The following MAP3K5 variants were observed in gnomAD, a reference collection of about 807,000 sequenced individuals.
MAP3K5 encodes the protein ASK-1.
In MAP3K5, 56 loss-of-function variants were observed where a neutral mutation model predicts 158.7. That is an observed-to-expected ratio of 0.35 (90% CI 0.28 to 0.44). The LOEUF (loss-of-function observed/expected upper bound fraction) is 0.44, where lower values mean the gene tolerates loss of function less well. MAP3K5 is among the 20% of genes least tolerant of loss of function. The probability of loss-of-function intolerance (pLI) is 1.00; values close to 1 mark genes in which losing one functional copy is unlikely to be tolerated. For synonymous variants in MAP3K5, 579 were observed against 601.7 expected (o/e 0.96, Z 0.55); for missense variants, 1,294 against 1,674.8 (o/e 0.77, Z 3.97).
rs74769946 is a variant in MAP3K5 at position 136,597,805 on chromosome 6, T to A, written c.2878+3217A>T. Among the ~76,000 whole-genome samples the A allele has an allele frequency of 0.013, 2,026 of 152,318 alleles. 109 individuals carry two copies. The East Asian group carries it at 0.14, about 11-fold the overall frequency. On this transcript the variant is annotated intron_variant, in intron 21 of 29. Transcript: ENST00000359015. ...TAAATAAACCATCCTCACACAGCCATCGGAATGATCCATCAATAGCTTCAC... is the reference window on the plus strand; with the variant it reads ...TAAATAAACCATCCTCACACAGCCAACGGAATGATCCATCAATAGCTTCAC...
At chr6:136,763,758 T>C (rs527644282) in intron 1 of MAP3K5, among the ~76,000 whole-genome samples, 1 of 152,256 alleles carries the variant, frequency 6.6e-6, no homozygotes, top group Non-Finnish European at 1.5e-5. Context: ...ATCTCCAATA[T>C]GGGCGTATTG....
chr6:136,752,136 C>G (rs531087106), intron 1 of MAP3K5, among the ~76,000 whole-genome samples: 1 of 152,306 alleles, frequency 6.6e-6, no homozygotes, highest in East Asian at 1.9e-4. Flanking sequence ...CATTCATGCA[C>G]TCCACAATGA....
intron 2 of MAP3K5, among the ~76,000 whole-genome samples, chr6:136,711,938 T>C (rs2114739548): frequency 6.6e-6 from 1 of 152,234 alleles, no homozygotes; most frequent in Non-Finnish European, 1.5e-5. Context: ...AACACATCCT[T>C]CTCTTGCATA....
chr6:136,582,741 G>A (rs1774946277), intron 24 of MAP3K5, among the ~76,000 whole-genome samples: 1 of 152,144 alleles, frequency 6.6e-6, no homozygotes. Context: ...AATTAATTTT[G>A]GAATTTAAAT....
At chr6:136,655,948 A>G (rs778543577) in intron 10 of MAP3K5, among the ~76,000 whole-genome samples, 1 of 152,142 alleles carries the variant, frequency 6.6e-6, no homozygotes, top group Non-Finnish European at 1.5e-5. Flanking sequence ...AATACGGGAG[A>G]TAATACTGAA....
intron 8 of MAP3K5, among the ~76,000 whole-genome samples, chr6:136,662,711 T>C (rs1463850701): frequency 5.3e-5 from 8 of 152,210 alleles, no homozygotes; most frequent in Non-Finnish European, 7.3e-5. Context: ...GACTAAAATA[T>C]TTTTAGGCTC....
At chr6:136,692,075 T>C (rs1356220631) in intron 7 of MAP3K5, among the ~76,000 whole-genome samples, 1 of 152,046 alleles carries the variant, frequency 6.6e-6, no homozygotes, top group East Asian at 1.9e-4. Context: ...TTTTTTCTTT[T>C]TTTCTTTTTT....
chr6:136,655,605 A>G (rs77692793), intron 10 of MAP3K5, among the ~76,000 whole-genome samples: 5,689 of 152,316 alleles, frequency 0.037, 382 homozygotes, highest in African/African-American at 0.13. Flanking sequence ...AAATTTGTAC[A>G]TACAGGGAGT....
chr6:136,627,445 A>T (rs1777090344), intron 14 of MAP3K5, among the ~76,000 whole-genome samples: 1 of 152,222 alleles, frequency 6.6e-6, no homozygotes, highest in Non-Finnish European at 1.5e-5. Context: ...TTCCGGATGA[A>T]ATCCAAACTC....
chr6:136,724,966 C>T (rs1583482955), intron 1 of MAP3K5, among the ~76,000 whole-genome samples: 1 of 152,274 alleles, frequency 6.6e-6, no homozygotes, highest in Non-Finnish European at 1.5e-5. Flanking sequence ...TCCCTGGCAA[C>T]CACTGATTTA....
At chr6:136,675,678 G>T (rs1356151110) in intron 7 of MAP3K5, among the ~76,000 whole-genome samples, 1 of 152,010 alleles carries the variant, frequency 6.6e-6, no homozygotes, top group Non-Finnish European at 1.5e-5. Context: ...TGGAAAAGGA[G>T]CAAGGTTGAA....
intron 7 of MAP3K5, among the ~76,000 whole-genome samples, chr6:136,676,686 T>C (rs959507813): frequency 6.6e-6 from 1 of 152,114 alleles, no homozygotes; most frequent in Non-Finnish European, 1.5e-5. Context: ...TGAAGCTTAG[T>C]CATAGCAAGC....
chr6:136,715,115 C>T (rs1196508307), intron 2 of MAP3K5, among the ~76,000 whole-genome samples: 2 of 152,150 alleles, frequency 1.3e-5, no homozygotes, highest in African/African-American at 4.8e-5. Flanking sequence ...ACACAAACTG[C>T]ATCACCACTA....
chr6:136,709,044 T>C (rs2114725478), intron 2 of MAP3K5, among the ~76,000 whole-genome samples: 1 of 152,272 alleles, frequency 6.6e-6, no homozygotes, highest in East Asian at 1.9e-4. Flanking sequence ...GTAGATTATG[T>C]CTTTATCTGT....
chr6:136,591,468 A>C (rs773618721), intron 23 of MAP3K5, among the ~76,000 whole-genome samples: 9 of 152,172 alleles, frequency 5.9e-5, no homozygotes, highest in Non-Finnish European at 1.2e-4. Context: ...ATCTTTCTTA[A>C]ATGTATATAG....
At chr6:136,761,133 T>G (rs1322297396) in intron 1 of MAP3K5, among the ~76,000 whole-genome samples, 2 of 152,094 alleles carry the variant, frequency 1.3e-5, no homozygotes, top group African/African-American at 4.8e-5. Context: ...ACCTTCTAGC[T>G]TCCACAACTG....
chr6:136,666,977 A>G (rs544403899), intron 8 of MAP3K5, among the ~76,000 whole-genome samples: 18 of 152,336 alleles, frequency 1.2e-4, no homozygotes, highest in African/African-American at 3.6e-4. Context: ...AAAAAAATTA[A>G]CATGTTTCTT....
intron 13 of MAP3K5, 71 bp from the exon 14 acceptor site, chr6:136,637,477 G>C (rs188065407): frequency 1.8e-5 from 17 of 929,310 alleles, no homozygotes. Flanking sequence ...ACATCTCAAA[G>C]TGACTTCAGA....
intron 7 of MAP3K5, among the ~76,000 whole-genome samples, chr6:136,683,084 G>A (rs1337355601): frequency 1.3e-5 from 2 of 152,178 alleles, no homozygotes; most frequent in East Asian, 3.9e-4. Context: ...CACTAAAGAT[G>A]TATTAACACC....
Sources: gnomAD v4.1 joint callset for allele counts (sites outside exome capture counted in the v4.1 genomes callset) on GRCh38, gnomAD v4.1.1 for gene constraint, MANE v1.5 for transcripts, NCBI Gene and HGNC (gene_info 2026-07-23, HGNC 2026-07-21) for gene names.